ITGB5: variants seen among roughly 807,000 people sequenced by gnomAD.
ITGB5 encodes the protein integrin beta-5.
A neutral mutation model predicts 84.8 loss-of-function variants in ITGB5; 38 were observed. The ratio of observed to expected loss-of-function variants is 0.45; its 90% CI spans 0.35 to 0.59. ITGB5 has a LOEUF of 0.59. Among genes scored for constraint, ITGB5 ranks in the 20% least tolerant of loss-of-function variants. The pLI, the probability that ITGB5 is intolerant of heterozygous loss-of-function variation, is 0.01. For missense variants in ITGB5, 905 were observed against 1,034.5 expected, an observed-to-expected ratio of 0.87 and a Z score of 1.72; for synonymous variants, 393 against 414.4, an observed-to-expected ratio of 0.95 and a Z score of 0.63.
intron 7 of ITGB5, among the ~76,000 whole-genome samples, chr3:124,818,967 A>G (rs2064654815): frequency 6.6e-6 from 1 of 152,134 alleles, no homozygotes; most frequent in South Asian, 2.1e-4. Context: ...TCATCACGTA[A>G]AAGAATCTCA....
In ITGB5 at chr3:124,773,192, C is replaced by G. The variant is rs1368302892; in HGVS notation, c.1916+498G>C. On this transcript the variant is annotated intron_variant, in intron 11 of 14. Transcript: ENST00000296181. ...AAAGAGCTGGGATTACAGGTGTGAG[C>G]CACCATGCCCGGCCTCTTTCCAATT... 1.3e-5 allele frequency among the ~76,000 whole-genome samples: 2 copies of G among 152,292 alleles called. 1 individual carries two copies. Among genetic ancestry groups the G allele is most frequent in the South Asian group, 4.2e-4 (2 of 4,816 alleles).
At chr3:124,782,785 G>A (rs1011507118) in intron 10 of ITGB5, among the ~76,000 whole-genome samples, 3 of 152,044 alleles carry the variant, frequency 2.0e-5, no homozygotes, top group Non-Finnish European at 4.4e-5. Flanking sequence ...TTGAACCCAG[G>A]AGGTGGAGGA....
Position 124,817,602 on chromosome 3 carries a change from G to C in ITGB5, c.1128+19C>G. 2.2e-6 allele frequency: 3 copies of C among 1,360,774 alleles called. No homozygotes were observed. The South Asian group carries it at 3.9e-5, about 17-fold the overall frequency. 84.3% of individuals were successfully genotyped at this position (1,360,774 alleles called of 1,614,324 possible). A position where few individuals can be genotyped will look rare whatever the true frequency, so the allele number is the denominator to read the frequency against. ...GGGTGGAAGGGAGGTGGCAGTGGGGGAAGAAACTGATGACTTACATTGTAT... is the reference window on the plus strand; with the variant it reads ...GGGTGGAAGGGAGGTGGCAGTGGGGCAAGAAACTGATGACTTACATTGTAT... On this transcript the variant is annotated intron_variant, in intron 8 of 14. Coordinates refer to ENST00000296181, the MANE Select transcript of ITGB5 (RefSeq NM_002213.5).
At chr3:124,767,454 GCT>G (rs2063783193) in intron 12 of ITGB5, among the ~76,000 whole-genome samples, 1 of 152,224 alleles carries the variant, frequency 6.6e-6, no homozygotes, top group Non-Finnish European at 1.5e-5. Context: ...TTTCTCTGCT[GCT>G]CTCTCAGAGG....
intron 10 of ITGB5, among the ~76,000 whole-genome samples, chr3:124,786,249 A>G (rs1212174737): frequency 6.6e-6 from 1 of 152,134 alleles, no homozygotes; most frequent in African/African-American, 2.4e-5. Context: ...ATTAAAACAG[A>G]TTCTCAGCTG....
chr3:124,812,870 G>A (rs1258105761), intron 8 of ITGB5, among the ~76,000 whole-genome samples: 1 of 152,160 alleles, frequency 6.6e-6, no homozygotes, highest in Non-Finnish European at 1.5e-5. Flanking sequence ...TGTTACATAT[G>A]TTCCAACCCA....
At chr3:124,824,832 C>T (rs114591905) in intron 5 of ITGB5, among the ~76,000 whole-genome samples, 2,598 of 152,196 alleles carry the variant, frequency 0.017, 74 homozygotes, top group African/African-American at 0.058. Flanking sequence ...TGAACCACAG[C>T]GAGATAGCCA....
intron 10 of ITGB5, among the ~76,000 whole-genome samples, chr3:124,775,652 C>T (rs569798428): frequency 1.1e-4 from 17 of 152,206 alleles, no homozygotes; most frequent in Non-Finnish European, 1.9e-4. Context: ...GAGCACCACT[C>T]ATCAACTAGT....
chr3:124,863,592 C>T (rs1443322992), intron 2 of ITGB5, among the ~76,000 whole-genome samples: 1 of 152,204 alleles, frequency 6.6e-6, no homozygotes, highest in Non-Finnish European at 1.5e-5. Context: ...AATCTCAGCT[C>T]ACTGCAACCT....
intron 11 of ITGB5, among the ~76,000 whole-genome samples, chr3:124,772,053 A>G (rs1156633880): frequency 6.6e-6 from 1 of 151,168 alleles, no homozygotes; most frequent in Non-Finnish European, 1.5e-5. Context: ...ATAGGCTCAA[A>G]AAGGTTCTGC....
chr3:124,826,201 T>C (rs933532120), intron 5 of ITGB5, among the ~76,000 whole-genome samples: 2 of 152,222 alleles, frequency 1.3e-5, no homozygotes, highest in African/African-American at 4.8e-5. Flanking sequence ...TTGTCTTTAA[T>C]AGGCGGGCAC....
At chr3:124,798,523 G>A (rs932186031) in intron 9 of ITGB5, among the ~76,000 whole-genome samples, 3 of 151,896 alleles carry the variant, frequency 2.0e-5, no homozygotes, top group Non-Finnish European at 2.9e-5. Context: ...AGGTGCAAGC[G>A]ATTTTCCCAT....
chr3:124,857,951 T>A (rs899872035), intron 3 of ITGB5, among the ~76,000 whole-genome samples: 6 of 152,140 alleles, frequency 3.9e-5, no homozygotes, highest in Admixed American at 3.3e-4. Flanking sequence ...CTGGCCAACA[T>A]GGTGAAACCC....
intron 1 of ITGB5, among the ~76,000 whole-genome samples, chr3:124,895,367 C>T (rs9868969): frequency 0.12 from 17,945 of 152,182 alleles, 1,187 homozygotes; most frequent in South Asian, 0.17. Flanking sequence ...GCTGGGCCCA[C>T]GTGGGCACCA....
intron 11 of ITGB5, chr3:124,769,637 C>T (rs2063813993): frequency 6.6e-6 from 1 of 152,326 alleles, no homozygotes; most frequent in Admixed American, 6.5e-5. Context: ...CCCAACCACA[C>T]CTCCGGGGAC....
At chr3:124,799,936 G>A (rs773290408) in intron 9 of ITGB5, among the ~76,000 whole-genome samples, 1 of 152,166 alleles carries the variant, frequency 6.6e-6, no homozygotes. Context: ...CCGTGGGCTG[G>A]GAACGATTTG....
At position 124,865,481 on chromosome 3, in the gene ITGB5, C is replaced by CTTTTTTTTT. The variant is rs59446328; in HGVS notation, c.157-6044_157-6036dup. On this transcript the variant is annotated intron_variant, in intron 2 of 14. Transcript: ENST00000296181. ...TTGAAGTGTCCTTTGCGGCTTTTTT[C>CTTTTTTTTT]TTTTTTTTTTTTTTTTTTTTTGAGA... Among the ~76,000 whole-genome samples, 119 of 93,282 alleles carry CTTTTTTTTT rather than the reference C, an allele frequency of 1.3e-3. 3 individuals are homozygous for CTTTTTTTTT. Among genetic ancestry groups the CTTTTTTTTT allele is most frequent in the Middle Eastern group, 8.3e-3 (1 of 120 alleles). 61.2% of individuals were successfully genotyped at this position (93,282 alleles called of 152,430 possible). A position where few individuals can be genotyped will look rare whatever the true frequency, so the allele number is the denominator to read the frequency against.
chr3:124,772,976 C>T (rs766218754), intron 11 of ITGB5, among the ~76,000 whole-genome samples: 4 of 139,418 alleles, frequency 2.9e-5, no homozygotes, highest in East Asian at 4.2e-4. Flanking sequence ...TGCAGTGGTG[C>T]GATCTTGCAA....
At chr3:124,809,488 G>A (rs988956060) in intron 8 of ITGB5, 12 of 234,516 alleles carry the variant, frequency 5.1e-5, no homozygotes, top group African/African-American at 2.0e-4. Context: ...CCCCATCCTC[G>A]GCTTCAGACA....
Sources: gnomAD v4.1 joint callset for allele counts (sites outside exome capture counted in the v4.1 genomes callset) on GRCh38, gnomAD v4.1.1 for gene constraint, MANE v1.5 for transcripts, NCBI Gene and HGNC (gene_info 2026-07-23, HGNC 2026-07-21) for gene names.